IQCJ: variants seen among roughly 807,000 people sequenced by gnomAD.
IQCJ encodes IQ motif containing J, also known as IQ domain-containing protein J.
Under a neutral mutation model 11.0 loss-of-function variants are expected in IQCJ, and 9 were observed. The observed-to-expected ratio is 0.82, with a 90% CI of 0.49 to 1.43. IQCJ has a LOEUF of 1.43. Ranked by LOEUF, IQCJ falls within the 40% of genes most tolerant of loss-of-function variation. The pLI, the probability that IQCJ is intolerant of heterozygous loss-of-function variation, is 0.00. For missense variants in IQCJ, 146 were observed against 133.2 expected (o/e 1.10, Z -0.47); for synonymous variants, 55 against 51.3 (o/e 1.07, Z -0.31).
At chr3:159,093,166 A>C (rs1717462585) in intron 1 of IQCJ, among the ~76,000 whole-genome samples, 1 of 151,816 alleles carries the variant, frequency 6.6e-6, no homozygotes, top group South Asian at 2.1e-4. Flanking sequence ...TCTTCTACTC[A>C]CATCTCAGTC....
intron 1 of IQCJ, among the ~76,000 whole-genome samples, chr3:159,075,336 C>T (rs1269186847): frequency 6.6e-6 from 1 of 151,896 alleles, no homozygotes; most frequent in Non-Finnish European, 1.5e-5. Flanking sequence ...CCATGGTGTA[C>T]AAAAAAAATT....
At chr3:159,145,337 G>T (rs926881522) in intron 1 of IQCJ, among the ~76,000 whole-genome samples, 1 of 152,224 alleles carries the variant, frequency 6.6e-6, no homozygotes, top group Non-Finnish European at 1.5e-5. Context: ...ATCTACCCAT[G>T]CATAGAGTTA....
In IQCJ at chr3:159,252,772, C is replaced by T. The variant is rs373963056; in HGVS notation, c.120C>T (p.Pro40=). The T allele has an allele frequency of 3.1e-6, 5 of 1,612,216 alleles. No individual in the cohort carries two copies. The African/African-American group carries it at 5.3e-5, about 17-fold the overall frequency. ...MDAENNIEKY[P]LNLQPLESKV... ...CAGAGAATAATATTGAAAAGTATCC[C>T]CTCAATCTACAGCCCTTGGAATCAA... The change falls in exon 3 of 4, where the codon CCC becomes CCT. Residue 40 remains proline (P), a synonymous_variant. Transcript: ENST00000397832.
intron 1 of IQCJ, among the ~76,000 whole-genome samples, chr3:159,135,053 AG>A (rs1720210141): frequency 6.6e-6 from 1 of 152,148 alleles, no homozygotes; most frequent in Non-Finnish European, 1.5e-5. Flanking sequence ...TGGCCAATAG[AG>A]GGAGGCCATC....
At chr3:159,192,939 G>A (rs1723776008) in intron 1 of IQCJ, among the ~76,000 whole-genome samples, 1 of 152,170 alleles carries the variant, frequency 6.6e-6, no homozygotes, top group South Asian at 2.1e-4. Flanking sequence ...GCTGGTCTTA[G>A]GGTCACAGCT....
chr3:159,158,361 G>A (rs1342775683), intron 1 of IQCJ, among the ~76,000 whole-genome samples: 1 of 152,224 alleles, frequency 6.6e-6, no homozygotes, highest in Non-Finnish European at 1.5e-5. Context: ...AAAGTGGAAA[G>A]TTCTTCTGAT....
intron 1 of IQCJ, among the ~76,000 whole-genome samples, chr3:159,184,744 G>T (rs937044070): frequency 3.3e-4 from 50 of 152,150 alleles, no homozygotes; most frequent in African/African-American, 1.2e-3. Context: ...GATGAATCTT[G>T]AAATTGATCT....
At chr3:159,104,597 T>C (rs2108106429) in intron 1 of IQCJ, among the ~76,000 whole-genome samples, 1 of 152,318 alleles carries the variant, frequency 6.6e-6, no homozygotes, top group East Asian at 1.9e-4. Context: ...TATTTACCTG[T>C]TCTCCTGGAG....
intron 1 of IQCJ, among the ~76,000 whole-genome samples, chr3:159,089,733 T>C (rs562952567): frequency 4.0e-5 from 6 of 151,886 alleles, no homozygotes; most frequent in Non-Finnish European, 8.8e-5. Flanking sequence ...GCTTCTGCAT[T>C]CTTTACGTAG....
chr3:159,196,692 C>CT (rs1724001031), intron 1 of IQCJ, among the ~76,000 whole-genome samples: 7 of 152,230 alleles, frequency 4.6e-5, no homozygotes, highest in African/African-American at 1.7e-4. Flanking sequence ...TTCTTAGTTC[C>CT]CAGTCTTATT....
intron 1 of IQCJ, among the ~76,000 whole-genome samples, chr3:159,101,194 C>A (rs1216870150): frequency 2.1e-5 from 3 of 144,638 alleles, no homozygotes; most frequent in Non-Finnish European, 4.5e-5. Context: ...CCTTGCGCTT[C>A]CCAGGTGAGG....
chr3:159,231,821 C>T (rs919264658), intron 1 of IQCJ, among the ~76,000 whole-genome samples: 4 of 152,232 alleles, frequency 2.6e-5, no homozygotes, highest in Admixed American at 2.6e-4. Context: ...TGTTATTGGT[C>T]TATTCAGGGA....
chr3:159,180,677 C>T (rs116607332), intron 1 of IQCJ, among the ~76,000 whole-genome samples: 3,261 of 151,902 alleles, frequency 0.021, 174 homozygotes, highest in African/African-American at 0.076. Flanking sequence ...TATGGGTATT[C>T]ATTATACTAT....
chr3:159,207,178 T>C (rs2108081372), intron 1 of IQCJ, among the ~76,000 whole-genome samples: 1 of 152,338 alleles, frequency 6.6e-6, no homozygotes, highest in East Asian at 1.9e-4. Context: ...CATGCAATGC[T>C]AGTGGAAGGC....
chr3:159,075,419 C>A (rs942640233), intron 1 of IQCJ, among the ~76,000 whole-genome samples: 1 of 152,050 alleles, frequency 6.6e-6, no homozygotes, highest in Non-Finnish European at 1.5e-5. Flanking sequence ...GCCTAACAAG[C>A]TGTGACAATC....
chr3:159,225,950 A>T (rs1725829492), intron 1 of IQCJ, among the ~76,000 whole-genome samples: 1 of 152,198 alleles, frequency 6.6e-6, no homozygotes, highest in African/African-American at 2.4e-5. Flanking sequence ...TCAGGGAAAC[A>T]CTTTACTTAC....
chr3:159,163,191 C>G (rs528821415), intron 1 of IQCJ, among the ~76,000 whole-genome samples: 1 of 152,094 alleles, frequency 6.6e-6, no homozygotes, highest in Non-Finnish European at 1.5e-5. Context: ...AGTGGCAAAC[C>G]GAATCCAGCA....
chr3:159,139,268 A>G (rs1720466639), intron 1 of IQCJ, among the ~76,000 whole-genome samples: 1 of 152,178 alleles, frequency 6.6e-6, no homozygotes, highest in African/African-American at 2.4e-5. Context: ...GAAGTAACAA[A>G]ATTTAAAAGA....
At chr3:159,190,070 A>G (rs1049036673) in intron 1 of IQCJ, among the ~76,000 whole-genome samples, 1 of 152,172 alleles carries the variant, frequency 6.6e-6, no homozygotes, top group Non-Finnish European at 1.5e-5. Flanking sequence ...TGGAGGATAG[A>G]TACAGTTTTA....
Sources: gnomAD v4.1 joint callset for allele counts (sites outside exome capture counted in the v4.1 genomes callset) on GRCh38, gnomAD v4.1.1 for gene constraint, MANE v1.5 for transcripts, NCBI Gene and HGNC (gene_info 2026-07-23, HGNC 2026-07-21) for gene names.